The following GALNTL6 variants were observed in gnomAD, a reference collection of about 807,000 sequenced individuals.
GALNTL6 encodes polypeptide N-acetylgalactosaminyltransferase-like 6.
A neutral mutation model predicts 73.7 loss-of-function variants in GALNTL6; 46 were observed. That is an observed-to-expected ratio of 0.62 (90% CI 0.49 to 0.80). The LOEUF is 0.80. GALNTL6 is among the 30% of genes least tolerant of loss of function. GALNTL6 has a pLI of 0.00. For synonymous variants in GALNTL6, 259 were observed against 263.7 expected (o/e 0.98, Z 0.17); for missense variants, 604 against 755.0 (o/e 0.80, Z 2.34).
intron 3 of GALNTL6, among the ~76,000 whole-genome samples, chr4:172,289,009 G>C (rs1739367127): frequency 1.3e-5 from 2 of 151,974 alleles, no homozygotes; most frequent in Non-Finnish European, 2.9e-5. Context: ...AGTGGCTACA[G>C]CTATCCTATA....
At chr4:172,418,442 AACT>A (rs557339024) in intron 5 of GALNTL6, among the ~76,000 whole-genome samples, 40 of 152,204 alleles carry the variant, frequency 2.6e-4, no homozygotes, top group African/African-American at 9.4e-4. Flanking sequence ...CTTGAATGAC[AACT>A]GTATGCCCCT....
intron 5 of GALNTL6, among the ~76,000 whole-genome samples, chr4:172,727,622 A>G (rs1735896562): frequency 1.3e-5 from 2 of 152,158 alleles, no homozygotes; most frequent in South Asian, 4.1e-4. Context: ...GTCACATGCT[A>G]TTAATTTTTT....
intron 2 of GALNTL6, among the ~76,000 whole-genome samples, chr4:172,116,999 G>C (rs1437639963): frequency 6.6e-6 from 1 of 152,138 alleles, no homozygotes; most frequent in Admixed American, 6.6e-5. Context: ...ATAGATGCAT[G>C]TGTGTGTATA....
At chr4:171,965,351 T>C (rs1018463984) in intron 2 of GALNTL6, among the ~76,000 whole-genome samples, 1 of 152,082 alleles carries the variant, frequency 6.6e-6, no homozygotes, top group African/African-American at 2.4e-5. Flanking sequence ...GAAAGACCTA[T>C]TACTCAAAAG....
At chr4:172,648,400 C>G (rs1057130053) in intron 5 of GALNTL6, among the ~76,000 whole-genome samples, 2 of 152,124 alleles carry the variant, frequency 1.3e-5, no homozygotes, top group Non-Finnish European at 2.9e-5. Flanking sequence ...ATCTTTTACT[C>G]TGATGATACT....
chr4:171,886,435 C>A (rs1736609944), intron 2 of GALNTL6, among the ~76,000 whole-genome samples: 1 of 152,094 alleles, frequency 6.6e-6, no homozygotes. Flanking sequence ...AATTTTCTCA[C>A]ACCTGTATTG....
chr4:172,868,703 C>A (rs2111157642), intron 7 of GALNTL6, among the ~76,000 whole-genome samples: 1 of 152,342 alleles, frequency 6.6e-6, no homozygotes, highest in East Asian at 1.9e-4. Flanking sequence ...GCACCTTGTG[C>A]TGGGCACCCG....
intron 10 of GALNTL6, among the ~76,000 whole-genome samples, chr4:173,004,402 G>T (rs370336270): frequency 1.3e-5 from 2 of 152,108 alleles, no homozygotes; most frequent in African/African-American, 4.8e-5. Context: ...CCAAGGCAGC[G>T]GATCATCTGA....
intron 5 of GALNTL6, among the ~76,000 whole-genome samples, chr4:172,707,597 G>A (rs929247694): frequency 6.6e-5 from 10 of 152,068 alleles, no homozygotes; most frequent in African/African-American, 1.9e-4. Flanking sequence ...GTTGTTAAAG[G>A]CAAAATTATT....
chr4:172,599,357 G>C (rs1014783423), intron 5 of GALNTL6, among the ~76,000 whole-genome samples: 1 of 151,854 alleles, frequency 6.6e-6, no homozygotes, highest in Non-Finnish European at 1.5e-5. Context: ...ATCATGGGGG[G>C]CATTTAAAAA....
chr4:172,802,322 T>TTTTGC (rs1419562158), intron 5 of GALNTL6, among the ~76,000 whole-genome samples: 1 of 151,356 alleles, frequency 6.6e-6, no homozygotes, highest in East Asian at 1.9e-4. Flanking sequence ...CCACCAAGAG[T>TTTTGC]TTTGCCTAGG....
intron 5 of GALNTL6, among the ~76,000 whole-genome samples, chr4:172,685,531 A>G (rs549202366): frequency 1.3e-5 from 2 of 152,334 alleles, no homozygotes; most frequent in African/African-American, 2.4e-5. Flanking sequence ...TGACCAGAGG[A>G]TAAAGATTCT....
At chr4:172,351,745 G>C (rs1367132744) in intron 5 of GALNTL6, among the ~76,000 whole-genome samples, 2 of 152,022 alleles carry the variant, frequency 1.3e-5, no homozygotes, top group East Asian at 1.9e-4. Flanking sequence ...GGAAGATATA[G>C]GAATTCTGTT....
At chr4:171,925,156 G>T (rs1462988836) in intron 2 of GALNTL6, among the ~76,000 whole-genome samples, 1 of 152,162 alleles carries the variant, frequency 6.6e-6, no homozygotes, top group African/African-American at 2.4e-5. Context: ...TCCTGGTAAA[G>T]GGTGAGCAGG....
chr4:172,442,022 A>G (rs1385448727), intron 5 of GALNTL6, among the ~76,000 whole-genome samples: 1 of 152,164 alleles, frequency 6.6e-6, no homozygotes, highest in African/African-American at 2.4e-5. Context: ...ATTACAACAA[A>G]ATCCATATAT....
At chr4:172,467,954 T>G (rs984992457) in intron 5 of GALNTL6, among the ~76,000 whole-genome samples, 22 of 151,010 alleles carry the variant, frequency 1.5e-4, no homozygotes, top group African/African-American at 5.4e-4. Context: ...AGTACAGTGG[T>G]GTGATCATAG....
At chr4:172,084,673 T>C (rs1421793406) in intron 2 of GALNTL6, among the ~76,000 whole-genome samples, 1 of 143,006 alleles carries the variant, frequency 7.0e-6, no homozygotes, top group African/African-American at 2.8e-5. Context: ...AGAAATGTCA[T>C]TTTTTTAAAT....
intron 5 of GALNTL6, among the ~76,000 whole-genome samples, chr4:172,768,384 C>G (rs1250244883): frequency 6.6e-6 from 1 of 152,174 alleles, no homozygotes; most frequent in African/African-American, 2.4e-5. Flanking sequence ...TCCCCAAACG[C>G]TGGTGGGAAC....
intron 1 of GALNTL6, among the ~76,000 whole-genome samples, 161 bp downstream of exon 1, chr4:171,814,151 C>A (rs1734458636): frequency 6.6e-6 from 1 of 152,168 alleles, no homozygotes; most frequent in South Asian, 2.1e-4. Flanking sequence ...CCCGACCCAG[C>A]CCTCCCACAC....
Sources: gnomAD v4.1 joint callset for allele counts (sites outside exome capture counted in the v4.1 genomes callset) on GRCh38, gnomAD v4.1.1 for gene constraint, MANE v1.5 for transcripts, NCBI Gene and HGNC (gene_info 2026-07-23, HGNC 2026-07-21) for gene names.